The following CDH7 variants were observed in gnomAD, a reference collection of about 807,000 sequenced individuals.
CDH7 encodes cadherin 7.
Under a neutral mutation model 71.8 loss-of-function variants are expected in CDH7, and 25 were observed. The ratio of observed to expected loss-of-function variants is 0.35; its 90% CI spans 0.25 to 0.49. The LOEUF (loss-of-function observed/expected upper bound fraction) is 0.49. CDH7 is among the 20% of genes least tolerant of loss of function. The probability of loss-of-function intolerance (pLI) is 0.99; values close to 1 mark genes in which losing one functional copy is unlikely to be tolerated. For missense variants in CDH7, 862 were observed against 974.6 expected, an observed-to-expected ratio of 0.88 and a Z score of 1.54; for synonymous variants, 381 against 363.8, an observed-to-expected ratio of 1.05 and a Z score of -0.54.
At chr18:65,869,545 ATTTTTTTTTT>A (rs10696115) in intron 11 of CDH7, among the ~76,000 whole-genome samples, 35 of 91,378 alleles carry the variant, frequency 3.8e-4, no homozygotes, top group South Asian at 3.4e-3. Flanking sequence ...AAGTGGGTCA[ATTTTTTTTTT>A]TTTTTTTTTT....
intron 7 of CDH7, among the ~76,000 whole-genome samples, 196 bp from the exon 8 acceptor site, chr18:65,857,620 A>G (rs1042871886): frequency 6.6e-6 from 1 of 152,154 alleles, no homozygotes; most frequent in Non-Finnish European, 1.5e-5. Flanking sequence ...AAGCAAACAT[A>G]TTAGTGAGAC....
At chr18:65,754,081 C>CA (rs1429665030) in intron 1 of CDH7, among the ~76,000 whole-genome samples, 1 of 152,250 alleles carries the variant, frequency 6.6e-6, no homozygotes, top group East Asian at 1.9e-4. Context: ...ATAATTTTAC[C>CA]ATTTTATTAC....
chr18:65,874,978 A>G (rs1914033066), intron 11 of CDH7, among the ~76,000 whole-genome samples: 1 of 152,166 alleles, frequency 6.6e-6, no homozygotes, highest in African/African-American at 2.4e-5. Flanking sequence ...AGCTTGTTCA[A>G]CCTGAGGCCC....
At position 65,809,628 on chromosome 18, in the gene CDH7, A is replaced by G. The variant is rs1024155365; in HGVS notation, c.211-76A>G. 11 of 1,240,102 alleles carry G rather than the reference A, an allele frequency of 8.9e-6. No individual in the cohort carries two copies. The African/African-American group carries it at 1.4e-4, about 15-fold the overall frequency. 76.8% of individuals were successfully genotyped at this position (1,240,102 alleles called of 1,614,324 possible). A position where few individuals can be genotyped will look rare whatever the true frequency, so the allele number is the denominator to read the frequency against. On this transcript the variant is annotated intron_variant, in intron 2 of 11. Coordinates refer to ENST00000397968, the MANE Select transcript of CDH7 (RefSeq NM_004361.5). Reference sequence around the variant, plus strand: ...AATTTCATGTACTCCTGCCTGACATAAGAATTATTTTTACATATCTCCATA... The same window carrying G: ...AATTTCATGTACTCCTGCCTGACATGAGAATTATTTTTACATATCTCCATA...
rs1348341622 is a variant in CDH7 at position 65,880,640 on chromosome 18, C to A, written c.2104C>A (p.Pro702Thr). The A allele has an allele frequency of 6.2e-7, 1 of 1,613,762 alleles. No individual in the cohort carries two copies. Among genetic ancestry groups the A allele is most frequent in the Non-Finnish European group, 8.5e-7 (1 of 1,179,956 alleles). Residue 702 changes from proline to threonine, a missense_variant, in exon 12 of 12, where the codon CCA (proline) becomes ACA (threonine). Coordinates refer to ENST00000397968, the MANE Select transcript of CDH7 (RefSeq NM_004361.5). ...GAGTCGACCAGCTTTTAAAAGCATCCCAGATAATGTCATCTTTAGGGAATT... is the reference window on the plus strand; with the variant it reads ...GAGTCGACCAGCTTTTAAAAGCATCACAGATAATGTCATCTTTAGGGAATT... ...FLSRPAFKSI[P>T]DNVIFREFIW... is the part of the protein sequence containing the mutation.
intron 7 of CDH7, 132 bp downstream of exon 7, chr18:65,844,197 A>ATATAT (rs1297136960): frequency 1.2e-4 from 29 of 242,090 alleles, no homozygotes; most frequent in Non-Finnish European, 1.9e-4. Flanking sequence ...ATCGAGTTAT[A>ATATAT]ACAGCAGAGG....
At chr18:65,822,940 G>A (rs1911988736) in intron 5 of CDH7, among the ~76,000 whole-genome samples, 2 of 151,806 alleles carry the variant, frequency 1.3e-5, no homozygotes, top group South Asian at 4.2e-4. Context: ...TCTCTTTTTA[G>A]TTCCCTTTTT....
intron 2 of CDH7, among the ~76,000 whole-genome samples, chr18:65,772,494 T>A (rs1291365797): frequency 6.6e-6 from 1 of 152,200 alleles, no homozygotes; most frequent in Non-Finnish European, 1.5e-5. Context: ...AAGCAGATAC[T>A]GGGGAGTTCT....
chr18:65,871,633 C>T (rs575844891), intron 11 of CDH7, among the ~76,000 whole-genome samples: 1 of 152,038 alleles, frequency 6.6e-6, no homozygotes, highest in Non-Finnish European at 1.5e-5. Context: ...GGGTATTTTC[C>T]TACTTGAGAA....
intron 2 of CDH7, among the ~76,000 whole-genome samples, chr18:65,793,068 C>G (rs571720373): frequency 1.3e-5 from 2 of 152,192 alleles, no homozygotes; most frequent in African/African-American, 4.8e-5. Flanking sequence ...ACAACTTGAG[C>G]ATTTGTGTGC....
intron 6 of CDH7, among the ~76,000 whole-genome samples, chr18:65,842,580 T>C (rs1053368429): frequency 4.6e-5 from 7 of 151,856 alleles, no homozygotes; most frequent in African/African-American, 1.7e-4. Context: ...CAGTATGGGA[T>C]ATATTATATA....
chr18:65,757,713 C>A (rs925893568), intron 1 of CDH7, among the ~76,000 whole-genome samples: 1 of 151,916 alleles, frequency 6.6e-6, no homozygotes, highest in African/African-American at 2.4e-5. Context: ...TTGTTTTTCT[C>A]TTCAGAAATG....
intron 2 of CDH7, chr18:65,803,807 T>C (rs1372186828): frequency 6.6e-6 from 1 of 150,402 alleles, no homozygotes. Flanking sequence ...TAATCTGGAA[T>C]ACACTTTTAT....
At chr18:65,770,268 A>G (rs1346211835) in intron 2 of CDH7, among the ~76,000 whole-genome samples, 1 of 152,202 alleles carries the variant, frequency 6.6e-6, no homozygotes, top group African/African-American at 2.4e-5. Context: ...ATTGCAAGAA[A>G]GTTTCACTAA....
chr18:65,836,038 C>T (rs1371919488), intron 6 of CDH7, among the ~76,000 whole-genome samples: 1 of 152,100 alleles, frequency 6.6e-6, no homozygotes, highest in African/African-American at 2.4e-5. Flanking sequence ...GAGTGATGCA[C>T]TTTGAAGATG....
At chr18:65,776,578 T>C (rs1014331513) in intron 2 of CDH7, among the ~76,000 whole-genome samples, 1 of 152,192 alleles carries the variant, frequency 6.6e-6, no homozygotes, top group African/African-American at 2.4e-5. Flanking sequence ...ACTAGATAAA[T>C]GAGATTGCTT....
rs142467653 is a variant in CDH7 at position 65,765,443 on chromosome 18, C to T, written c.210+2391C>T. Among the ~76,000 whole-genome samples the T allele has an allele frequency of 2.0e-3, 306 of 149,334 alleles. 4 individuals carry two copies. Among genetic ancestry groups the T allele is most frequent in the Admixed American group, 0.018 (272 of 14,960 alleles). The stretch of plus-strand genomic sequence containing the variant: ...GTTTTTTATTACTTGGGTAAATAGA[C>T]ACATTTTCCTTTCCTTTTTTCTTTT... On this transcript the variant is annotated intron_variant, in intron 2 of 11. Transcript: ENST00000397968.
intron 5 of CDH7, among the ~76,000 whole-genome samples, chr18:65,824,104 A>C (rs1912038714): frequency 6.6e-6 from 1 of 150,908 alleles, no homozygotes; most frequent in Non-Finnish European, 1.5e-5. Context: ...TCAGTTCTAC[A>C]TACAACCCAC....
At chr18:65,862,213 C>T (rs1041709800) in intron 10 of CDH7, among the ~76,000 whole-genome samples, 1 of 151,454 alleles carries the variant, frequency 6.6e-6, no homozygotes, top group African/African-American at 2.4e-5. Context: ...CTGATTTTAC[C>T]CTTTTTAAAT....
Sources: allele counts gnomAD v4.1 joint callset (sites outside exome capture counted in the v4.1 genomes callset), GRCh38; gene constraint gnomAD v4.1.1; transcripts MANE v1.5; gene names NCBI Gene and HGNC (gene_info 2026-07-23, HGNC 2026-07-21).